Variants in B3GALT1 observed in about 807,000 individuals in gnomAD.
B3GALT1 encodes the protein beta-1,3-galactosyltransferase 1.
B3GALT1 carries 10 observed loss-of-function variants against 23.2 expected under a neutral mutation model. That is an observed-to-expected ratio of 0.43 (90% CI 0.27 to 0.73). B3GALT1 has a LOEUF of 0.73. B3GALT1 is among the 30% of genes least tolerant of loss of function. The pLI is 0.21. For missense variants in B3GALT1, 299 were observed against 405.4 expected, an observed-to-expected ratio of 0.74 and a Z score of 2.25; for synonymous variants, 156 against 141.5, an observed-to-expected ratio of 1.10 and a Z score of -0.73.
intron 4 of B3GALT1, among the ~76,000 whole-genome samples, chr2:167,831,985 A>C (rs1689363864): frequency 6.6e-6 from 1 of 152,226 alleles, no homozygotes; most frequent in Admixed American, 6.5e-5. Flanking sequence ...CCTTTTAAAA[A>C]GCCAGTCAAC....
intron 1 of B3GALT1, among the ~76,000 whole-genome samples, chr2:167,455,804 C>A (rs1457047210): frequency 1.3e-5 from 2 of 152,194 alleles, no homozygotes; most frequent in Non-Finnish European, 2.9e-5. Context: ...TGGGCCCTCA[C>A]ACCTGGCTGG....
intron 2 of B3GALT1, among the ~76,000 whole-genome samples, chr2:167,644,470 C>G (rs2105458197): frequency 6.6e-6 from 1 of 152,196 alleles, no homozygotes; most frequent in East Asian, 1.9e-4. Flanking sequence ...TCAAGCTCAC[C>G]TATTGAATTG....
chr2:167,495,876 C>T (rs948906341), intron 2 of B3GALT1, among the ~76,000 whole-genome samples: 95 of 152,230 alleles, frequency 6.2e-4, no homozygotes, highest in African/African-American at 2.2e-3. Flanking sequence ...GAAGACAAAA[C>T]ATTTATTATT....
chr2:167,829,280 G>A (rs748934368), intron 4 of B3GALT1, among the ~76,000 whole-genome samples: 31 of 151,986 alleles, frequency 2.0e-4, no homozygotes, highest in Admixed American at 1.0e-3. Flanking sequence ...TCAGGAGTTC[G>A]AGACCAGCCT....
chr2:167,588,379 A>G (rs1223480746), intron 2 of B3GALT1, among the ~76,000 whole-genome samples: 2 of 152,302 alleles, frequency 1.3e-5, no homozygotes, highest in Admixed American at 1.3e-4. Flanking sequence ...ACATTTGCAT[A>G]ATTGCCAAAT....
chr2:167,691,832 G>A (rs2105501857), intron 3 of B3GALT1, among the ~76,000 whole-genome samples: 1 of 152,168 alleles, frequency 6.6e-6, no homozygotes, highest in Non-Finnish European at 1.5e-5. Flanking sequence ...TAGGCAGCTT[G>A]TGAAGCACAG....
At chr2:167,734,576 G>A (rs1217082375) in intron 3 of B3GALT1, among the ~76,000 whole-genome samples, 1 of 152,084 alleles carries the variant, frequency 6.6e-6, no homozygotes, top group Non-Finnish European at 1.5e-5. Context: ...TGCTCCTGAG[G>A]ACACCAAAAG....
chr2:167,325,702 C>CTTTTTTTTTT (rs61066636), intron 1 of B3GALT1, among the ~76,000 whole-genome samples: 8 of 110,566 alleles, frequency 7.2e-5, no homozygotes, highest in East Asian at 2.5e-4. Context: ...ACCCTGTTTT[C>CTTTTTTTTTT]TTTTTTTTTT....
chr2:167,394,998 G>A (rs940337004), intron 1 of B3GALT1, among the ~76,000 whole-genome samples: 2 of 152,082 alleles, frequency 1.3e-5, no homozygotes, highest in Admixed American at 6.6e-5. Flanking sequence ...CCTGGATGTC[G>A]CTTACCTACA....
At chr2:167,559,337 A>G (rs1683921282) in intron 2 of B3GALT1, among the ~76,000 whole-genome samples, 2 of 152,174 alleles carry the variant, frequency 1.3e-5, no homozygotes, top group South Asian at 4.1e-4. Context: ...AAAAGTAGAT[A>G]AAACCACAAA....
intron 3 of B3GALT1, among the ~76,000 whole-genome samples, chr2:167,724,108 G>A (rs1439509963): frequency 6.6e-6 from 1 of 152,158 alleles, no homozygotes; most frequent in East Asian, 1.9e-4. Context: ...TTGCATTTAT[G>A]TTAAATTTGT....
chr2:167,504,804 A>G (rs1699896680), intron 2 of B3GALT1, among the ~76,000 whole-genome samples: 1 of 152,230 alleles, frequency 6.6e-6, no homozygotes, highest in Non-Finnish European at 1.5e-5. Flanking sequence ...CATGCAGTAC[A>G]GGTTTGTAGC....
In B3GALT1 at chr2:167,618,260, A is replaced by G. The variant is rs150815615; in HGVS notation, c.-409-28649A>G. ...ACAAAATTTCTGAGAAACATATTGG[A>G]CCAGAGAATATTTGTTAAACTTTTT... is the stretch of plus-strand genomic sequence containing the variant. On this transcript the variant is annotated intron_variant, in intron 2 of 4. Transcript: ENST00000392690. 8.3e-4 allele frequency among the ~76,000 whole-genome samples: 127 copies of G among 152,200 alleles called. 2 individuals are homozygous for G. Among genetic ancestry groups the G allele is most frequent in the Middle Eastern group, 3.4e-3 (1 of 294 alleles).
chr2:167,423,518 A>G (rs1698578798), intron 1 of B3GALT1, among the ~76,000 whole-genome samples: 1 of 152,170 alleles, frequency 6.6e-6, no homozygotes, highest in Non-Finnish European at 1.5e-5. Context: ...AATTAGTACT[A>G]TATTTTAAAA....
intron 3 of B3GALT1, among the ~76,000 whole-genome samples, chr2:167,753,767 G>A (rs1188536025): frequency 6.6e-6 from 1 of 152,178 alleles, no homozygotes; most frequent in East Asian, 1.9e-4. Flanking sequence ...CTTCACCACA[G>A]CCCAGTGTGG....
intron 3 of B3GALT1, among the ~76,000 whole-genome samples, chr2:167,654,600 C>T (rs1315259629): frequency 3.3e-5 from 5 of 151,866 alleles, no homozygotes; most frequent in Non-Finnish European, 7.4e-5. Flanking sequence ...CTCAAAGGAT[C>T]GTCTTGCCTC....
intron 3 of B3GALT1, among the ~76,000 whole-genome samples, chr2:167,659,843 G>A (rs1451622144): frequency 6.6e-6 from 1 of 151,944 alleles, no homozygotes; most frequent in Non-Finnish European, 1.5e-5. Context: ...TTCCTCGAGT[G>A]GATAAAATAA....
intron 3 of B3GALT1, among the ~76,000 whole-genome samples, chr2:167,669,841 A>G (rs920337472): frequency 6.6e-6 from 1 of 152,168 alleles, no homozygotes; most frequent in Admixed American, 6.5e-5. Flanking sequence ...ACACTGCCCA[A>G]GAAGCCCGCC....
At chr2:167,613,140 T>G (rs942600963) in intron 2 of B3GALT1, among the ~76,000 whole-genome samples, 8 of 151,968 alleles carry the variant, frequency 5.3e-5, no homozygotes, top group Non-Finnish European at 1.0e-4. Context: ...TACAAAGTCT[T>G]ATAAATGTTC....
Sources: gnomAD v4.1 joint callset for allele counts (sites outside exome capture counted in the v4.1 genomes callset) on GRCh38, gnomAD v4.1.1 for gene constraint, MANE v1.5 for transcripts, NCBI Gene and HGNC (gene_info 2026-07-23, HGNC 2026-07-21) for gene names.